Variants in EAF2 observed in about 807,000 individuals in gnomAD.
EAF2 encodes ELL associated factor 2.
In EAF2, 29 loss-of-function variants were observed where a neutral mutation model predicts 29.4. The ratio of observed to expected loss-of-function variants is 0.99; its 90% CI spans 0.73 to 1.35. The LOEUF is 1.35. Among genes scored for constraint, EAF2 ranks in the 40% most tolerant of loss-of-function variants. The pLI, the probability that EAF2 is intolerant of heterozygous loss-of-function variation, is 0.00. For synonymous variants in EAF2, 103 were observed against 102.5 expected, an observed-to-expected ratio of 1.00 and a Z score of -0.03; for missense variants, 292 against 312.0, an observed-to-expected ratio of 0.94 and a Z score of 0.48.
intron 3 of EAF2, 100 bp downstream of exon 3, chr3:121,854,923 C>T (rs1708693603): frequency 1.8e-6 from 2 of 1,118,492 alleles, no homozygotes; most frequent in Admixed American, 3.5e-5. Flanking sequence ...GGAGTTATTT[C>T]TGTGTGGTAC....
chr3:121,840,515 A>AC lies in EAF2; in HGVS notation c.107-3938_107-3937insC, dbSNP rs1553725708. Among the ~76,000 whole-genome samples the AC allele has an allele frequency of 1.7e-4, 17 of 97,942 alleles. 1 individual carries two copies. The highest frequency in any genetic ancestry group is 3.5e-4 in the South Asian group (1 of 2,862). The allele number at this position is 97,942 out of a possible 152,430, so 64.3% of individuals were successfully genotyped here. A position where few individuals can be genotyped will look rare whatever the true frequency, so the allele number is the denominator to read the frequency against. ...AAAAAAAAAAAAAAAAAAAGAAAAA[A>AC]AAAAAACGGGCCGGGTGCGGTGGCT... On this transcript the variant is annotated intron_variant, in intron 1 of 5. Transcript: ENST00000273668.
intron 5 of EAF2, among the ~76,000 whole-genome samples, 187 bp from the exon 6 acceptor site, chr3:121,886,155 T>A (rs896481671): frequency 6.6e-6 from 1 of 152,150 alleles, no homozygotes; most frequent in Non-Finnish European, 1.5e-5. Context: ...TGAAGTTTAG[T>A]GGTATATTTT....
chr3:121,862,498 C>T lies in EAF2; in HGVS notation c.484+5342C>T, dbSNP rs148438119. 4.4e-3 allele frequency among the ~76,000 whole-genome samples: 663 copies of T among 152,324 alleles called. 6 individuals carry two copies. Among genetic ancestry groups the T allele is most frequent in the African/African-American group, 0.015 (620 of 41,568 alleles). ...GCTTGTGGAAGCATCACGTAGTTCT[C>T]GTGCCACGGTTTTCAGCTCCATCAG... On this transcript the variant is annotated intron_variant, in intron 4 of 5. Coordinates refer to ENST00000273668, the MANE Select transcript of EAF2 (RefSeq NM_018456.6).
At position 121,878,833 on chromosome 3, in the gene EAF2, A is replaced by G. The variant is rs114565285; in HGVS notation, c.736+6045A>G. ...ATTCCATATTTTGGCTCTTGTGAAT[A>G]ATGCTGTAATAAACATAGGCTTGCA... On this transcript the variant is annotated intron_variant, in intron 5 of 5. Transcript: ENST00000273668. Among the ~76,000 whole-genome samples the G allele has an allele frequency of 9.9e-3, 1,512 of 152,316 alleles. 17 individuals are homozygous for G. The highest frequency in any genetic ancestry group is 0.034 in the African/African-American group (1,407 of 41,576).
At chr3:121,852,916 A>T (rs1385144821) in intron 2 of EAF2, among the ~76,000 whole-genome samples, 1 of 152,222 alleles carries the variant, frequency 6.6e-6, no homozygotes, top group African/African-American at 2.4e-5. Context: ...CAAACGTAAA[A>T]TTCCTTCAGG....
intron 2 of EAF2, among the ~76,000 whole-genome samples, chr3:121,848,160 G>C (rs1418061752): frequency 6.6e-6 from 1 of 152,154 alleles, no homozygotes; most frequent in East Asian, 1.9e-4. Context: ...TGATAGAAAA[G>C]ATGCATTTTG....
chr3:121,843,130 T>G (rs959552017), intron 1 of EAF2, among the ~76,000 whole-genome samples: 1 of 152,184 alleles, frequency 6.6e-6, no homozygotes, highest in Admixed American at 6.5e-5. Flanking sequence ...ATTTAAGGAA[T>G]AGAGGAATGG....
intron 4 of EAF2, among the ~76,000 whole-genome samples, chr3:121,871,026 T>C (rs1349362324): frequency 3.2e-4 from 49 of 152,056 alleles, no homozygotes; most frequent in Non-Finnish European, 7.4e-5. Context: ...GCAATTTCTC[T>C]CTTTCTACCT....
intron 5 of EAF2, among the ~76,000 whole-genome samples, chr3:121,882,938 T>C: frequency 6.6e-6 from 1 of 152,180 alleles, no homozygotes; most frequent in Middle Eastern, 3.4e-3. Context: ...GTAACAGATA[T>C]TTTTAATTCT....
At chr3:121,859,316 T>C (rs1708782574) in intron 4 of EAF2, among the ~76,000 whole-genome samples, 1 of 152,230 alleles carries the variant, frequency 6.6e-6, no homozygotes, top group South Asian at 2.1e-4. Flanking sequence ...GGAATGTTCT[T>C]CCATTTGTTT....
intron 3 of EAF2, among the ~76,000 whole-genome samples, chr3:121,856,387 C>T (rs1187558392): frequency 1.3e-5 from 2 of 150,900 alleles, no homozygotes; most frequent in Non-Finnish European, 2.9e-5. Flanking sequence ...TTATATTGCC[C>T]AGGCTGGTCT....
At chr3:121,844,185 G>A (rs983015499) in intron 1 of EAF2, among the ~76,000 whole-genome samples, 1 of 129,224 alleles carries the variant, frequency 7.7e-6, no homozygotes, top group Non-Finnish European at 1.7e-5. Context: ...TGTTAGTCAG[G>A]TTCATCTTGT....
At chr3:121,863,693 G>A (rs1366034247) in intron 4 of EAF2, among the ~76,000 whole-genome samples, 1 of 152,058 alleles carries the variant, frequency 6.6e-6, no homozygotes, top group Non-Finnish European at 1.5e-5. Flanking sequence ...CACTCTGTGG[G>A]CTGCACCCAC....
intron 2 of EAF2, among the ~76,000 whole-genome samples, chr3:121,846,214 C>A (rs1359676078): frequency 1.3e-5 from 2 of 152,088 alleles, no homozygotes; most frequent in Non-Finnish European, 2.9e-5. Context: ...TATCAGTTAA[C>A]CATTTATTGA....
chr3:121,884,889 G>T (rs1036411230), intron 5 of EAF2, among the ~76,000 whole-genome samples: 3 of 152,080 alleles, frequency 2.0e-5, no homozygotes, highest in African/African-American at 7.2e-5. Context: ...AAAAATATAA[G>T]AATTTTTTTA....
intron 4 of EAF2, among the ~76,000 whole-genome samples, chr3:121,867,856 T>C (rs1335955919): frequency 1.3e-5 from 2 of 152,230 alleles, no homozygotes; most frequent in African/African-American, 4.8e-5. Context: ...ATGAGGTTAC[T>C]TAGAATGGGA....
At chr3:121,840,892 A>G (rs1708409169) in intron 1 of EAF2, among the ~76,000 whole-genome samples, 1 of 152,006 alleles carries the variant, frequency 6.6e-6, no homozygotes, top group Non-Finnish European at 1.5e-5. Flanking sequence ...TGCTACAGGA[A>G]TGGAGAAGAA....
At chr3:121,871,240 G>A (rs1371459346) in intron 4 of EAF2, among the ~76,000 whole-genome samples, 2 of 151,644 alleles carry the variant, frequency 1.3e-5, no homozygotes, top group South Asian at 2.1e-4. Context: ...AATAACATGA[G>A]TAAATATAAA....
chr3:121,862,911 T>C (rs192287115), intron 4 of EAF2, among the ~76,000 whole-genome samples: 7 of 152,336 alleles, frequency 4.6e-5, no homozygotes, highest in African/African-American at 1.7e-4. Flanking sequence ...GTTTTCCTTC[T>C]AACAGTCAGG....
Sources: gnomAD v4.1 joint callset for allele counts (sites outside exome capture counted in the v4.1 genomes callset) on GRCh38, gnomAD v4.1.1 for gene constraint, MANE v1.5 for transcripts, NCBI Gene and HGNC (gene_info 2026-07-23, HGNC 2026-07-21) for gene names.